SMPDL3A: variants seen among roughly 807,000 people sequenced by gnomAD.
SMPDL3A encodes cyclic GMP-AMP phosphodiesterase SMPDL3A.
A neutral mutation model predicts 38.5 loss-of-function variants in SMPDL3A; 39 were observed. The ratio of observed to expected loss-of-function variants is 1.01; its 90% CI spans 0.78 to 1.32. The LOEUF is 1.32. Ranked by LOEUF, SMPDL3A falls within the 40% of genes most tolerant of loss-of-function variation. SMPDL3A has a pLI of 0.00. For missense variants in SMPDL3A, 502 were observed against 536.2 expected, an observed-to-expected ratio of 0.94 and a Z score of 0.63; for synonymous variants, 180 against 194.3, an observed-to-expected ratio of 0.93 and a Z score of 0.61.
chr6:122,804,539 G>C (rs754157820), intron 5 of SMPDL3A, among the ~76,000 whole-genome samples: 4 of 151,106 alleles, frequency 2.6e-5, no homozygotes, highest in Non-Finnish European at 5.9e-5. Context: ...TCGAACTCTG[G>C]GGGGCTCGAA....
intron 4 of SMPDL3A, among the ~76,000 whole-genome samples, chr6:122,802,617 G>T (rs1392896312): frequency 6.6e-6 from 1 of 152,216 alleles, no homozygotes; most frequent in African/African-American, 2.4e-5. Context: ...CTTCTAAGGA[G>T]ACTCAGCATA....
At position 122,789,329 on chromosome 6, in the gene SMPDL3A, T is replaced by A. The variant is rs1302222934; in HGVS notation, c.-18T>A. 1 of 1,529,594 alleles carries A rather than the reference T, an allele frequency of 6.5e-7. No homozygotes were observed. The highest frequency in any genetic ancestry group is 8.8e-7 in the Non-Finnish European group (1 of 1,136,074). 94.8% of individuals were successfully genotyped at this position (1,529,594 alleles called of 1,614,324 possible). ...CTGCGGGACAGCCCGAACCTCCAGG[T>A]CAGCCCCGCGGCCCTCCATGGCGCT... On this transcript the variant is annotated 5_prime_UTR_variant, in exon 1 of 8. Coordinates refer to ENST00000368440, the MANE Select transcript of SMPDL3A (RefSeq NM_006714.5).
rs140637412 is a variant in SMPDL3A, at chr6:122,809,097, T to C, written c.1051T>C (p.Leu351=). The C allele has an allele frequency of 3.1e-6, 5 of 1,612,682 alleles. No homozygotes were observed. Among genetic ancestry groups the C allele is most frequent in the Non-Finnish European group, 4.2e-6 (5 of 1,178,826 alleles). The change falls in exon 8 of 8, where the codon TTG becomes CTG. Residue 351 remains leucine (L), a synonymous_variant. Coordinates refer to ENST00000368440, the MANE Select transcript of SMPDL3A (RefSeq NM_006714.5). ...TTACTGTTCTTAACTGCAGGATATG[T>C]TGCAGTATTACTTGAATCTGACAGA... The part of the protein sequence containing the change: ...DPRDYKLLDM[L]QYYLNLTEAN...
intron 1 of SMPDL3A, chr6:122,789,691 C>A: frequency 2.3e-6 from 1 of 429,158 alleles, no homozygotes; most frequent in Non-Finnish European, 3.1e-6. Flanking sequence ...GGGAAATGCC[C>A]TCGCCGGTGG....
intron 6 of SMPDL3A, among the ~76,000 whole-genome samples, chr6:122,805,345 G>A (rs1781577372): frequency 6.6e-6 from 1 of 152,120 alleles, no homozygotes; most frequent in Admixed American, 6.6e-5. Flanking sequence ...CAACACAAAA[G>A]CCTCAGAAAC....
intron 3 of SMPDL3A, among the ~76,000 whole-genome samples, chr6:122,798,510 C>T (rs944486248): frequency 6.6e-6 from 1 of 152,140 alleles, no homozygotes; most frequent in East Asian, 1.9e-4. Context: ...TTGGCCAACT[C>T]GGGTGATTCA....
In SMPDL3A at chr6:122,795,766, G is replaced by A. The variant is rs1562348788; in HGVS notation, c.202G>A (p.Ala68Thr). Residue 68 changes from alanine to threonine, a missense_variant, in exon 2 of 8, where the codon GCA becomes ACA. Transcript: ENST00000368440. ...HTKVCASSKG[A>T]NASNPGPFGD... is the part of the protein sequence containing the mutation. ...AAAAGTGTGTGCTTCATCTAAAGGT[G>A]CAAATGCCTCCAACCCTGGCCCTTT... The A allele has an allele frequency of 6.2e-7, 1 of 1,614,112 alleles. No homozygotes were observed. Among genetic ancestry groups the A allele is most frequent in the Non-Finnish European group, 8.5e-7 (1 of 1,179,982 alleles).
intron 5 of SMPDL3A, 58 bp downstream of exon 5, chr6:122,803,891 T>TCC: frequency 6.7e-7 from 1 of 1,487,340 alleles, no homozygotes; most frequent in Non-Finnish European, 9.3e-7. Context: ...TTTGTATGTT[T>TCC]ATTAAACTCG....
intron 1 of SMPDL3A, among the ~76,000 whole-genome samples, chr6:122,790,928 AG>A (rs796122941): frequency 9.2e-5 from 14 of 152,290 alleles, no homozygotes; most frequent in African/African-American, 3.4e-4. Context: ...GGGAAGGAAG[AG>A]GGGTTACTGG....
At chr6:122,805,373 G>A (rs1185130149) in intron 6 of SMPDL3A, among the ~76,000 whole-genome samples, 2 of 152,232 alleles carry the variant, frequency 1.3e-5, no homozygotes, top group East Asian at 3.9e-4. Flanking sequence ...TCACTCAAAT[G>A]TTCTTTTAAA....
chr6:122,802,422 G>A (rs1340952399), intron 4 of SMPDL3A, among the ~76,000 whole-genome samples: 5 of 152,044 alleles, frequency 3.3e-5, no homozygotes, highest in Admixed American at 6.5e-5. Flanking sequence ...GGCTGGTCTC[G>A]GGCTTCTGAC....
intron 1 of SMPDL3A, chr6:122,789,978 T>TCACC: frequency 1.5e-6 from 1 of 668,388 alleles, no homozygotes; most frequent in Non-Finnish European, 1.9e-6. Context: ...TTTCTGCCAC[T>TCACC]CACCCAGCCA....
intron 1 of SMPDL3A, among the ~76,000 whole-genome samples, chr6:122,790,905 C>G (rs1781056028): frequency 6.6e-6 from 1 of 152,104 alleles, no homozygotes; most frequent in Non-Finnish European, 1.5e-5. Context: ...GGTTGAATCC[C>G]CTCCTACTAA....
intron 4 of SMPDL3A, among the ~76,000 whole-genome samples, chr6:122,802,195 C>CTTTTTTT (rs3031702): frequency 8.1e-6 from 1 of 123,560 alleles, no homozygotes. Flanking sequence ...TATATCTAGT[C>CTTTTTTT]TTTTTTTTTT....
Position 122,809,389 on chromosome 6 carries a change from A to G in SMPDL3A, c.1343A>G (p.Tyr448Cys). ...TATGCAGATTGCCTCAAACAGCTTT[A>G]TATAAAGCACAATTACTAGTATTTC... is the stretch of plus-strand genomic sequence containing the variant. ...ISYADCLKQL[Y>C]IKHNY The change falls in exon 8 of 8, where the codon TAT becomes TGT. Residue 448 changes from tyrosine to cysteine, a missense_variant. Tyr to Cys is a radical substitution (Grantham distance 194). Transcript: ENST00000368440. 6.2e-7 allele frequency: 1 copy of G among 1,610,018 alleles called. No individual in the cohort carries two copies. Among genetic ancestry groups the G allele is most frequent in the Non-Finnish European group, 8.5e-7 (1 of 1,177,126 alleles).
At chr6:122,797,071 T>C in intron 3 of SMPDL3A, 103 bp downstream of exon 3, 1 of 901,978 alleles carries the variant, frequency 1.1e-6, no homozygotes, top group Admixed American at 2.2e-5. Flanking sequence ...GAATGGGTCT[T>C]ATAGAGGGAG....
rs1234698797 is a variant in SMPDL3A at position 122,805,109 on chromosome 6, G to A, written c.919+20G>A. The stretch of plus-strand genomic sequence containing the variant: ...AAAAAGGTAATGTAATGCTGTGTTT[G>A]CATCTCCCCAGTCTAAGAGTCTAGA... On this transcript the variant is annotated intron_variant, in intron 6 of 7. Transcript: ENST00000368440. 1 of 1,573,838 alleles carries A rather than the reference G, an allele frequency of 6.4e-7. No homozygotes were observed. Among genetic ancestry groups the A allele is most frequent in the Admixed American group, 1.9e-5 (1 of 53,064 alleles).
intron 1 of SMPDL3A, among the ~76,000 whole-genome samples, chr6:122,791,275 T>A (rs1167626198): frequency 2.6e-5 from 4 of 152,228 alleles, no homozygotes; most frequent in African/African-American, 9.6e-5. Context: ...GCTACAGTTC[T>A]TTAGATTGAG....
intron 2 of SMPDL3A, 132 bp downstream of exon 2, chr6:122,796,022 C>G (rs1781239139): frequency 3.0e-6 from 2 of 672,300 alleles, no homozygotes; most frequent in Admixed American, 3.0e-5. Context: ...AACACTAGGT[C>G]AAACTAATCA....
Sources: allele counts gnomAD v4.1 joint callset (sites outside exome capture counted in the v4.1 genomes callset), GRCh38; gene constraint gnomAD v4.1.1; transcripts MANE v1.5; gene names NCBI Gene and HGNC (gene_info 2026-07-23, HGNC 2026-07-21).